The following PCMTD1 variants were observed in gnomAD, a reference collection of about 807,000 sequenced individuals.
The protein encoded by PCMTD1 is protein-L-isoaspartate (D-aspartate) O-methyltransferase domain containing 1.
A neutral mutation model predicts 37.6 loss-of-function variants in PCMTD1; 12 were observed. That is an observed-to-expected ratio of 0.32 (90% CI 0.20 to 0.52). PCMTD1 has a LOEUF of 0.52. PCMTD1 is among the 20% of genes least tolerant of loss of function. The probability of loss-of-function intolerance (pLI) is 0.97; values close to 1 mark genes in which losing one functional copy is unlikely to be tolerated. For synonymous variants in PCMTD1, 117 were observed against 135.8 expected (o/e 0.86, Z 0.96); for missense variants, 235 against 421.3 (o/e 0.56, Z 3.87).
chr8:51,819,979 C>T lies in PCMTD1; in HGVS notation c.*372G>A, dbSNP rs1267929143. The T allele has an allele frequency of 6.5e-6, 1 of 154,860 alleles. No individual in the cohort carries two copies. The highest frequency in any genetic ancestry group is 1.4e-5 in the Non-Finnish European group (1 of 69,794). 9.6% of individuals were successfully genotyped at this position (154,860 alleles called of 1,614,324 possible). On this transcript the variant is annotated 3_prime_UTR_variant, in exon 6 of 6. Transcript: ENST00000522514. Reference sequence around the variant, plus strand: ...AGAGGAAATGCAAACAACTGCAATTCAGATCAGGTTATATAAGCTTAACAA... The same window carrying T: ...AGAGGAAATGCAAACAACTGCAATTTAGATCAGGTTATATAAGCTTAACAA...
chr8:51,884,371 C>G (rs986279078), intron 1 of PCMTD1, among the ~76,000 whole-genome samples: 4 of 152,146 alleles, frequency 2.6e-5, no homozygotes, highest in Admixed American at 6.5e-5. Flanking sequence ...AACAATCAAA[C>G]ACAAAAGCAG....
chr8:51,879,183 C>T (rs2038756778), intron 1 of PCMTD1, among the ~76,000 whole-genome samples: 2 of 150,956 alleles, frequency 1.3e-5, no homozygotes, highest in African/African-American at 4.9e-5. Flanking sequence ...AATTCCTTCA[C>T]AGTATATATG....
upstream of PCMTD1, chr8:51,899,183 A>G (rs1357893756): frequency 2.4e-6 from 3 of 1,265,194 alleles, no homozygotes; most frequent in African/African-American, 3.1e-5. Flanking sequence ...AGACGCCCCC[A>G]TCTGGCCCCG....
At chr8:51,864,933 AT>A (rs1462862142) in intron 1 of PCMTD1, among the ~76,000 whole-genome samples, 1 of 151,944 alleles carries the variant, frequency 6.6e-6, no homozygotes, top group Non-Finnish European at 1.5e-5. Flanking sequence ...GATAAACAAA[AT>A]CAAAAAACCT....
At chr8:51,831,613 C>T in intron 4 of PCMTD1, 46 bp from the exon 5 acceptor site, 1 of 1,570,024 alleles carries the variant, frequency 6.4e-7, no homozygotes, top group Non-Finnish European at 8.6e-7. Context: ...TTAATCCCAA[C>T]AATGTGGTCA....
intron 1 of PCMTD1, among the ~76,000 whole-genome samples, chr8:51,897,223 C>CCTT (rs2039016101): frequency 2.6e-5 from 4 of 152,180 alleles, no homozygotes; most frequent in Admixed American, 2.6e-4. Context: ...ATTAAATCAA[C>CCTT]AAAGCCTCCA....
chr8:51,864,694 C>G (rs973904907), intron 1 of PCMTD1, among the ~76,000 whole-genome samples: 3 of 151,988 alleles, frequency 2.0e-5, no homozygotes, highest in Non-Finnish European at 4.4e-5. Context: ...CATACCATAA[C>G]TTATGAGATG....
At chr8:51,862,066 T>C (rs1044447836) in intron 1 of PCMTD1, among the ~76,000 whole-genome samples, 3 of 151,642 alleles carry the variant, frequency 2.0e-5, no homozygotes, top group African/African-American at 7.2e-5. Context: ...CAGTATAGTA[T>C]AGTATAGTAC....
rs1179785419 is a variant in PCMTD1, at chr8:51,818,129, A to G, written c.*2222T>C. The G allele has an allele frequency of 5.7e-6, 2 of 351,322 alleles. No individual in the cohort carries two copies. The highest frequency in any genetic ancestry group is 2.2e-5 in the African/African-American group (1 of 46,360). The allele number at this position is 351,322 out of a possible 1,614,324, so 21.8% of individuals were successfully genotyped here. ...AAACCCAAAATATTCTTATTCTAAT[A>G]TATCTGCATTAATAGATAAAAAGGC... On this transcript the variant is annotated 3_prime_UTR_variant, in exon 6 of 6. Coordinates refer to ENST00000522514, the MANE Select transcript of PCMTD1 (RefSeq NM_052937.4).
At chr8:51,870,008 GGT>G (rs559594779) in intron 1 of PCMTD1, among the ~76,000 whole-genome samples, 255 of 152,256 alleles carry the variant, frequency 1.7e-3, no homozygotes, top group African/African-American at 5.8e-3. Context: ...ACAATATTAT[GGT>G]GTCTCTTAGG....
chr8:51,833,564 ATTTTCATGTAG>A lies in PCMTD1; in HGVS notation c.525_535del (p.Tyr176IlefsTer30). The A allele has an allele frequency of 6.2e-7, 1 of 1,612,772 alleles. No individual in the cohort carries two copies. The highest frequency in any genetic ancestry group is 8.5e-7 in the Non-Finnish European group (1 of 1,179,438). ...TAATATGCCTCCAACTTTTAGTAATATTTTCATGTAGTTTTCATGGTCTTTCTGCACTCCAG... is the reference window on the plus strand; with the variant it reads ...TAATATGCCTCCAACTTTTAGTAATATTTTCATGGTCTTTCTGCACTCCAG... On this transcript the variant is annotated frameshift_variant, in exon 4 of 6. Coordinates refer to ENST00000522514, the MANE Select transcript of PCMTD1 (RefSeq NM_052937.4). LOFTEE classifies it high-confidence loss of function.
chr8:51,879,549 T>C (rs934813626), intron 1 of PCMTD1, among the ~76,000 whole-genome samples: 19 of 152,224 alleles, frequency 1.2e-4, no homozygotes, highest in African/African-American at 4.3e-4. Flanking sequence ...AATGAAACTA[T>C]GTGAAAACTG....
intron 1 of PCMTD1, among the ~76,000 whole-genome samples, chr8:51,898,152 G>A (rs1291774392): frequency 7.7e-6 from 1 of 129,810 alleles, no homozygotes; most frequent in African/African-American, 2.5e-5. Context: ...TTTTTCCTCC[G>A]TAGCAAATTC....
At chr8:51,899,058 G>C (rs1156319062), upstream of PCMTD1, 2 of 1,501,748 alleles carry the variant, frequency 1.3e-6, no homozygotes, top group East Asian at 2.7e-5. Context: ...GCCCGGACCC[G>C]CGACTGGAGC....
intron 5 of PCMTD1, among the ~76,000 whole-genome samples, chr8:51,822,701 G>C (rs1048196297): frequency 6.6e-6 from 1 of 152,174 alleles, no homozygotes; most frequent in Non-Finnish European, 1.5e-5. Flanking sequence ...TGACTCTGGA[G>C]CTCAGGGGCA....
intron 1 of PCMTD1, among the ~76,000 whole-genome samples, chr8:51,862,357 TACACAC>T (rs71237254): frequency 6.6e-6 from 1 of 151,554 alleles, no homozygotes; most frequent in African/African-American, 2.4e-5. Context: ...TTTATACACA[TACACAC>T]ACACACACAC....
chr8:51,825,700 CAAAAAAA>C (rs1221587696), intron 5 of PCMTD1, among the ~76,000 whole-genome samples: 1 of 6,932 alleles, frequency 1.4e-4, no homozygotes, highest in African/African-American at 2.0e-4. Flanking sequence ...GACTCCGTCT[CAAAAAAA>C]AAAAAAAAAA....
At chr8:51,833,488 G>A (rs1274187498) in intron 4 of PCMTD1, 30 bp downstream of exon 4, 7 of 1,561,392 alleles carry the variant, frequency 4.5e-6, no homozygotes, top group Non-Finnish European at 6.1e-6. Flanking sequence ...TGCTTCCTAG[G>A]CCACTAAAGA....
intron 3 of PCMTD1, among the ~76,000 whole-genome samples, chr8:51,840,027 T>TA (rs1394558308): frequency 6.6e-6 from 1 of 152,166 alleles, no homozygotes; most frequent in Non-Finnish European, 1.5e-5. Context: ...AATCAATAAT[T>TA]AAGCTATTTA....
Sources: allele counts gnomAD v4.1 joint callset (sites outside exome capture counted in the v4.1 genomes callset), GRCh38; gene constraint gnomAD v4.1.1; transcripts MANE v1.5; gene names NCBI Gene and HGNC (gene_info 2026-07-23, HGNC 2026-07-21).